The following CD163L1 variants were observed in gnomAD, a reference collection of about 807,000 sequenced individuals.
CD163L1 encodes scavenger receptor cysteine-rich type 1 protein M160.
Under a neutral mutation model 165.4 loss-of-function variants are expected in CD163L1, and 124 were observed. The observed-to-expected ratio is 0.75, with a 90% confidence interval of 0.65 to 0.87. The LOEUF (loss-of-function observed/expected upper bound fraction) is 0.87. CD163L1 is among the 40% of genes least tolerant of loss of function. The probability of loss-of-function intolerance (pLI) is 0.00; values close to 1 mark genes in which losing one functional copy is unlikely to be tolerated. For synonymous variants in CD163L1, 585 were observed against 662.2 expected (o/e 0.88, Z 1.79); for missense variants, 1,525 against 1,799.9 (o/e 0.85, Z 2.76).
intron 2 of CD163L1, among the ~76,000 whole-genome samples, chr12:7,440,267 G>C (rs1277362642): frequency 6.6e-6 from 1 of 151,886 alleles, no homozygotes; most frequent in East Asian, 1.9e-4. Flanking sequence ...AAGCTCAGGA[G>C]CGCCCCTGCG....
At position 7,428,209 on chromosome 12, in the gene CD163L1, A is replaced by C. The variant is rs73272448; in HGVS notation, c.766+4207T>G. 6.4e-3 allele frequency among the ~76,000 whole-genome samples: 973 copies of C among 152,194 alleles called. 7 individuals are homozygous for C. The highest frequency in any genetic ancestry group is 0.022 in the African/African-American group (935 of 41,566). ...TTTATGGTTTTAACTATCATCCAGAAACTAAAATACGGAGTAAAATTAGGG... is the reference window on the plus strand; with the variant it reads ...TTTATGGTTTTAACTATCATCCAGACACTAAAATACGGAGTAAAATTAGGG... On this transcript the variant is annotated intron_variant, in intron 4 of 19. Coordinates refer to ENST00000313599, the MANE Select transcript of CD163L1 (RefSeq NM_174941.6).
chr12:7,406,954 A>G, intron 4 of CD163L1, 102 bp from the exon 5 acceptor site: 1 of 1,043,212 alleles, frequency 9.6e-7, no homozygotes, highest in East Asian at 2.5e-5. Flanking sequence ...TAATAAATTG[A>G]GATTCAATGA....
At chr12:7,388,798 A>G (rs1464760632) in intron 8 of CD163L1, among the ~76,000 whole-genome samples, 2 of 152,018 alleles carry the variant, frequency 1.3e-5, no homozygotes, top group South Asian at 4.1e-4. Context: ...GACATGTATC[A>G]AAATAAGATA....
downstream of CD163L1, among the ~76,000 whole-genome samples, chr12:7,343,433 C>T (rs1274890829): frequency 6.6e-6 from 1 of 152,112 alleles, no homozygotes; most frequent in Non-Finnish European, 1.5e-5. Flanking sequence ...GATTTAATTA[C>T]CTCATGGTTC....
At chr12:7,362,442 TTA>T (rs1408404043) in intron 18 of CD163L1, among the ~76,000 whole-genome samples, 1 of 138,034 alleles carries the variant, frequency 7.2e-6, no homozygotes, top group East Asian at 2.0e-4. Flanking sequence ...CCATATATAA[TTA>T]TGTGTTATTA....
At chr12:7,427,965 C>T (rs951132949) in intron 4 of CD163L1, among the ~76,000 whole-genome samples, 1 of 152,064 alleles carries the variant, frequency 6.6e-6, no homozygotes, top group Non-Finnish European at 1.5e-5. Context: ...TTCTGGCCTA[C>T]TTGGTAGTTA....
At chr12:7,351,385 C>T (rs1946705839), downstream of CD163L1, among the ~76,000 whole-genome samples, 1 of 152,094 alleles carries the variant, frequency 6.6e-6, no homozygotes, top group African/African-American at 2.4e-5. Context: ...GATCAAGGTG[C>T]CAGCTGATTT....
At chr12:7,367,399 A>G (rs1947047056) in intron 17 of CD163L1, 68 bp from the exon 18 acceptor site, 1 of 990,394 alleles carries the variant, frequency 1.0e-6, no homozygotes, top group Non-Finnish European at 1.6e-6. Context: ...AGGACACTTA[A>G]TGCTAAGGTT....
In CD163L1 at chr12:7,421,539, G is replaced by A. The variant is rs774765503; in HGVS notation, c.766+10877C>T. Among the ~76,000 whole-genome samples the A allele has an allele frequency of 6.7e-4, 61 of 91,054 alleles. 4 individuals are homozygous for A. The highest frequency in any genetic ancestry group is 6.9e-3 in the Middle Eastern group (1 of 144). 59.7% of individuals were successfully genotyped at this position (91,054 alleles called of 152,430 possible). A position where few individuals can be genotyped will look rare whatever the true frequency, so the allele number is the denominator to read the frequency against. ...CATATATGTACATATATACATATAC[G>A]TACACATATACATATACATATATGT... On this transcript the variant is annotated intron_variant, in intron 4 of 19. Coordinates refer to ENST00000313599, the MANE Select transcript of CD163L1 (RefSeq NM_174941.6).
intron 8 of CD163L1, among the ~76,000 whole-genome samples, chr12:7,393,490 G>A (rs1330257201): frequency 6.6e-6 from 1 of 152,174 alleles, no homozygotes; most frequent in African/African-American, 2.4e-5. Flanking sequence ...AAAGCTGGAA[G>A]AATTCCCTTT....
At chr12:7,334,114 G>T in the CD163L1 span, among the ~76,000 whole-genome samples, 7 of 149,902 alleles carry the variant, frequency 4.7e-5, no homozygotes, top group African/African-American at 1.7e-4. Flanking sequence ...AATAGAAAAA[G>T]AGGGAATCCT....
Position 7,368,459 on chromosome 12 carries a change from T to C in CD163L1, c.4073-262A>G, listed in dbSNP as rs1947067897. Among the ~76,000 whole-genome samples, 2 of 152,094 alleles carry C rather than the reference T, an allele frequency of 1.3e-5. No homozygotes were observed. On this transcript the variant is annotated intron_variant, in intron 16 of 19. Coordinates refer to ENST00000313599, the MANE Select transcript of CD163L1 (RefSeq NM_174941.6). This position sits in a 1 kb window ranked among gnomAD's most constrained non-coding sequence, Gnocchi z 4.3. ...AGAGATTTGATAACTAAACCTTTCC[T>C]CTTGCATTGCATTCACTACTAAAAC...
At position 7,434,240 on chromosome 12, in the gene CD163L1, C is replaced by T. The variant is rs75343047; in HGVS notation, c.125-546G>A. On this transcript the variant is annotated intron_variant, in intron 2 of 19. Transcript: ENST00000313599. ...AATAGGCCTTGCAGGAGGAGAAGAC[C>T]TAGTCGTCCATGATTGTAATATGCT... Among the ~76,000 whole-genome samples, 1,464 of 152,172 alleles carry T rather than the reference C, an allele frequency of 9.6e-3. 26 individuals carry two copies. Among genetic ancestry groups the T allele is most frequent in the African/African-American group, 0.033 (1,358 of 41,498 alleles).
chr12:7,439,221 C>A, intron 2 of CD163L1: 2 of 1,578,536 alleles, frequency 1.3e-6, no homozygotes, highest in Non-Finnish European at 1.7e-6. Context: ...ACCTGGGATT[C>A]GACAAATTTT....
intron 5 of CD163L1, among the ~76,000 whole-genome samples, chr12:7,405,103 G>GC (rs1947991687): frequency 6.6e-6 from 1 of 152,092 alleles, no homozygotes; most frequent in Non-Finnish European, 1.5e-5. Context: ...TTTCACATCT[G>GC]CATCATTCTT....
In CD163L1 at chr12:7,433,690, T is replaced by C. The variant is rs1213630916; in HGVS notation, c.129A>G (p.Gly43=). The change falls in exon 3 of 20, where the codon GGA becomes GGG. Residue 43 remains glycine, a synonymous_variant. Transcript: ENST00000313599. ...TGACCAGCCTCAACTCCAAATCTGT[T>C]CCATCTGCAAGAAAGACAGAAACAT... ...NSCFLISSFN[G]TDLELRLVNG... The C allele has an allele frequency of 6.2e-7, 1 of 1,603,828 alleles. No individual in the cohort carries two copies. The highest frequency in any genetic ancestry group is 1.7e-5 in the Admixed American group (1 of 59,014).
At chr12:7,408,929 C>T (rs926254986) in intron 4 of CD163L1, among the ~76,000 whole-genome samples, 34 of 152,228 alleles carry the variant, frequency 2.2e-4, no homozygotes, top group African/African-American at 7.9e-4. Context: ...TTTTTCTCTC[C>T]TTGGTGCCCA....
At chr12:7,421,313 T>A (rs1246293752) in intron 4 of CD163L1, among the ~76,000 whole-genome samples, 1 of 109,436 alleles carries the variant, frequency 9.1e-6, no homozygotes, top group Non-Finnish European at 1.8e-5. Context: ...ATATATACAT[T>A]TGGAAGATAT....
At chr12:7,324,636 T>G in the CD163L1 span, 2 of 1,601,380 alleles carry the variant, frequency 1.2e-6, no homozygotes, top group Non-Finnish European at 1.7e-6. Context: ...CAACATCATA[T>G]TTTCAAGTTC....
Sources: allele counts gnomAD v4.1 joint callset (sites outside exome capture counted in the v4.1 genomes callset), GRCh38; gene constraint gnomAD v4.1.1; non-coding constraint Gnocchi (gnomAD v3.1); transcripts MANE v1.5; gene names NCBI Gene and HGNC (gene_info 2026-07-23, HGNC 2026-07-21).